The following VSIR variants were observed in gnomAD, a reference collection of about 807,000 sequenced individuals.
VSIR encodes V-type immunoglobulin domain-containing suppressor of T-cell activation.
In VSIR, 10 loss-of-function variants were observed where a neutral mutation model predicts 31.0. That is an observed-to-expected ratio of 0.32 (90% CI 0.20 to 0.55). VSIR has a LOEUF of 0.55. Among genes scored for constraint, VSIR ranks in the 20% least tolerant of loss-of-function variants. The probability of loss-of-function intolerance (pLI) is 0.93; values close to 1 mark genes in which losing one functional copy is unlikely to be tolerated. For synonymous variants in VSIR, 179 were observed against 180.1 expected, an observed-to-expected ratio of 0.99 and a Z score of 0.05; for missense variants, 356 against 416.2, an observed-to-expected ratio of 0.86 and a Z score of 1.26.
chr10:71,755,143 C>T (rs2132871974), intron 4 of VSIR: 2 of 659,702 alleles, frequency 3.0e-6, no homozygotes, highest in South Asian at 3.1e-5. Flanking sequence ...GCCTGGGAGC[C>T]AAAGGGGCTG....
chr10:71,761,315 A>G (rs909956660), intron 2 of VSIR, among the ~76,000 whole-genome samples: 1 of 152,184 alleles, frequency 6.6e-6, no homozygotes, highest in South Asian at 2.1e-4. Flanking sequence ...TGATGTCATC[A>G]TGAGCAGTCA....
rs1839929167 is a variant in VSIR at position 71,749,176 on chromosome 10, T to A, written c.*2077A>T. 1 of 152,294 alleles carries A rather than the reference T, an allele frequency of 6.6e-6. No individual in the cohort carries two copies. The highest frequency in any genetic ancestry group is 1.9e-4 in the East Asian group (1 of 5,192). 9.4% of individuals were successfully genotyped at this position (152,294 alleles called of 1,614,324 possible). ...CCCAGAGGGCAGGGCATGCTCTTCCTGAGTTGGGAGAACCGGAATCTGGGC... is the reference window on the plus strand; with the variant it reads ...CCCAGAGGGCAGGGCATGCTCTTCCAGAGTTGGGAGAACCGGAATCTGGGC... On this transcript the variant is annotated 3_prime_UTR_variant, in exon 7 of 7. Coordinates refer to ENST00000394957, the MANE Select transcript of VSIR (RefSeq NM_022153.2).
At chr10:71,753,058 C>A in intron 4 of VSIR, 56 bp from the exon 5 acceptor site, 1 of 1,588,226 alleles carries the variant, frequency 6.3e-7, no homozygotes, top group Non-Finnish European at 8.6e-7. Flanking sequence ...CCCCATACAA[C>A]ATCCCTGCCC....
rs760324945 is a variant in VSIR, at chr10:71,750,331, G to A, written c.*922C>T. On this transcript the variant is annotated 3_prime_UTR_variant, in exon 7 of 7. Coordinates refer to ENST00000394957, the MANE Select transcript of VSIR (RefSeq NM_022153.2). ...CCAGGGTTTGCACCTGTTTCCCCAT[G>A]TAGTTTTTAATAGCATCCCGCTTCA... 6.6e-6 allele frequency: 1 copy of A among 152,234 alleles called. No individual in the cohort carries two copies. Among genetic ancestry groups the A allele is most frequent in the African/African-American group, 2.4e-5 (1 of 41,456 alleles). 9.4% of individuals were successfully genotyped at this position (152,234 alleles called of 1,614,324 possible). A position where few individuals can be genotyped will look rare whatever the true frequency, so the allele number is the denominator to read the frequency against.
At position 71,751,576 on chromosome 10, in the gene VSIR, T is replaced by C; in HGVS notation, c.898+92A>G. 7.0e-7 allele frequency: 1 copy of C among 1,425,752 alleles called. No individual in the cohort carries two copies. The highest frequency in any genetic ancestry group is 9.4e-7 in the Non-Finnish European group (1 of 1,064,604). The allele number at this position is 1,425,752 out of a possible 1,614,324, so 88.3% of individuals were successfully genotyped here. On this transcript the variant is annotated intron_variant, in intron 6 of 6. Transcript: ENST00000394957. This position sits in a 1 kb window ranked among gnomAD's most constrained non-coding sequence, Gnocchi z 4.9. ...CCACCCCGTGAGGCCGTGGAACTCTTCAGGGAGGGCAGGGAGTGAGGCCGA... is the reference window on the plus strand; with the variant it reads ...CCACCCCGTGAGGCCGTGGAACTCTCCAGGGAGGGCAGGGAGTGAGGCCGA...
rs1840002800 is a variant in VSIR at position 71,751,554 on chromosome 10, C to T, written c.898+114G>A. The stretch of plus-strand genomic sequence containing the variant: ...CCTCTGTCCCTCACCCTCAACCCCA[C>T]CCCGTGAGGCCGTGGAACTCTTCAG... On this transcript the variant is annotated intron_variant, in intron 6 of 6. Coordinates refer to ENST00000394957, the MANE Select transcript of VSIR (RefSeq NM_022153.2). This position sits in a 1 kb window ranked among gnomAD's most constrained non-coding sequence, Gnocchi z 4.9. The T allele has an allele frequency of 2.6e-6, 3 of 1,172,480 alleles. No individual in the cohort carries two copies. The highest frequency in any genetic ancestry group is 3.5e-6 in the Non-Finnish European group (3 of 854,040). 72.6% of individuals were successfully genotyped at this position (1,172,480 alleles called of 1,614,324 possible). A position where few individuals can be genotyped will look rare whatever the true frequency, so the allele number is the denominator to read the frequency against.
chr10:71,771,677 C>G (rs1276519267), intron 1 of VSIR, among the ~76,000 whole-genome samples: 1 of 152,210 alleles, frequency 6.6e-6, no homozygotes, highest in East Asian at 1.9e-4. Context: ...TCTCCCTGTG[C>G]TGGGCCCAGG....
chr10:71,766,881 C>T (rs573060157), intron 1 of VSIR, among the ~76,000 whole-genome samples: 34 of 152,354 alleles, frequency 2.2e-4, no homozygotes, highest in Admixed American at 2.0e-3. Context: ...CCTCATCCTT[C>T]AGCTATTTAG....
intron 1 of VSIR, among the ~76,000 whole-genome samples, chr10:71,770,562 G>C (rs1050212114): frequency 3.3e-5 from 5 of 152,220 alleles, no homozygotes; most frequent in Non-Finnish European, 5.9e-5. Flanking sequence ...TCCCCTGGGA[G>C]ACCAGACTGA....
Position 71,764,090 on chromosome 10 carries a change from C to T in VSIR, c.83-2064G>A, listed in dbSNP as rs142744060. Among the ~76,000 whole-genome samples, 252 of 152,284 alleles carry T rather than the reference C, an allele frequency of 1.7e-3. No homozygotes were observed. The South Asian group carries it at 0.019, about 11-fold the overall frequency. ...CAGGTCTCCTTTTCAGGCAGAAACA[C>T]AGAGACCCAGAAAGGGAAAGTGGTT... On this transcript the variant is annotated intron_variant, in intron 1 of 6. Transcript: ENST00000394957.
chr10:71,770,817 A>G (rs1840667948), intron 1 of VSIR, among the ~76,000 whole-genome samples: 1 of 152,162 alleles, frequency 6.6e-6, no homozygotes, highest in African/African-American at 2.4e-5. Flanking sequence ...GGGTGGAAGC[A>G]TGAACAACTA....
chr10:71,753,298 C>G (rs143683869), intron 4 of VSIR, among the ~76,000 whole-genome samples: 1 of 152,368 alleles, frequency 6.6e-6, no homozygotes, highest in Non-Finnish European at 1.5e-5. Context: ...AGGCAGCCAG[C>G]GCTTTCTCCT....
At chr10:71,755,300 G>A (rs1238513664) in intron 4 of VSIR, 59 bp downstream of exon 4, 1 of 1,455,668 alleles carries the variant, frequency 6.9e-7, no homozygotes, top group East Asian at 2.4e-5. Flanking sequence ...GGGCTGAACT[G>A]GGGGCTGGAG....
At chr10:71,763,712 T>C (rs766680510) in intron 1 of VSIR, among the ~76,000 whole-genome samples, 1 of 152,230 alleles carries the variant, frequency 6.6e-6, no homozygotes, top group Non-Finnish European at 1.5e-5. Flanking sequence ...TAGTAATAAT[T>C]CACATGAAGT....
chr10:71,762,626 G>A (rs560717369), intron 1 of VSIR, among the ~76,000 whole-genome samples: 3 of 152,296 alleles, frequency 2.0e-5, no homozygotes, highest in African/African-American at 7.2e-5. Context: ...AGCCCTCAGG[G>A]CACTTGGAGG....
At position 71,751,617 on chromosome 10, in the gene VSIR, G is replaced by A. The variant is rs1425613830; in HGVS notation, c.898+51C>T. 3 of 1,493,684 alleles carry A rather than the reference G, an allele frequency of 2.0e-6. No individual in the cohort carries two copies. Among genetic ancestry groups the A allele is most frequent in the African/African-American group, 1.4e-5 (1 of 71,272 alleles). 92.5% of individuals were successfully genotyped at this position (1,493,684 alleles called of 1,614,324 possible). On this transcript the variant is annotated intron_variant, in intron 6 of 6. Coordinates refer to ENST00000394957, the MANE Select transcript of VSIR (RefSeq NM_022153.2). This position sits in a 1 kb window ranked among gnomAD's most constrained non-coding sequence, Gnocchi z 4.9. ...GTGAGGCCGATGCCCTGCAGGCCAT[G>A]AGGTCATGACCTTACAGGTCATCGT...
intron 3 of VSIR, chr10:71,760,600 C>T (rs1307874197): frequency 2.3e-6 from 1 of 427,322 alleles, no homozygotes; most frequent in African/African-American, 2.0e-5. Context: ...TCATGAGGCA[C>T]TTGCCCTGGC....
At chr10:71,767,850 G>A (rs926154264) in intron 1 of VSIR, among the ~76,000 whole-genome samples, 5 of 152,184 alleles carry the variant, frequency 3.3e-5, no homozygotes, top group Admixed American at 6.5e-5. Flanking sequence ...TGAAGGAAGC[G>A]GCACTTCCAG....
Position 71,755,447 on chromosome 10 carries a change from C to G in VSIR, c.588G>C (p.Leu196=), listed in dbSNP as rs1840114648. The G allele has an allele frequency of 6.2e-7, 1 of 1,612,454 alleles. No homozygotes were observed. The highest frequency in any genetic ancestry group is 8.5e-7 in the Non-Finnish European group (1 of 1,179,532). ...QDSENITAAA[L]ATGACIVGIL... ...TTCCTACGATGCAGGCACCCGTAGC[C>G]AGGGCTGCAGCCGTGATGTCTGAAA... Residue 196 remains leucine (L), a synonymous_variant, in exon 4 of 7, where the codon CTG becomes CTC. Coordinates refer to ENST00000394957, the MANE Select transcript of VSIR (RefSeq NM_022153.2).
Sources: gnomAD v4.1 joint callset for allele counts (sites outside exome capture counted in the v4.1 genomes callset) on GRCh38, gnomAD v4.1.1 for gene constraint, Gnocchi (gnomAD v3.1) non-coding constraint, MANE v1.5 for transcripts, NCBI Gene and HGNC (gene_info 2026-07-23, HGNC 2026-07-21) for gene names.